CIITA: variants seen among roughly 807,000 people sequenced by gnomAD.
CIITA encodes the protein class II major histocompatibility complex transactivator, also known as MHC class II transactivator.
A neutral mutation model predicts 115.1 loss-of-function variants in CIITA; 72 were observed. The observed-to-expected ratio is 0.63, with a 90% confidence interval of 0.52 to 0.76. The LOEUF (loss-of-function observed/expected upper bound fraction) is 0.76, where lower values mean the gene tolerates loss of function less well. CIITA is among the 30% of genes least tolerant of loss of function. The probability of loss-of-function intolerance (pLI) is 0.00; values close to 1 mark genes in which losing one functional copy is unlikely to be tolerated. For missense variants in CIITA, 1,617 were observed against 1,463.8 expected (o/e 1.10, Z -1.71); for synonymous variants, 763 against 635.6 (o/e 1.20, Z -3.02).
At chr16:10,884,252 A>G (rs1388706958) in intron 1 of CIITA, among the ~76,000 whole-genome samples, 2 of 151,282 alleles carry the variant, frequency 1.3e-5, no homozygotes, top group African/African-American at 2.4e-5. Context: ...TTTGTTTGCC[A>G]GAGGCTGGTT....
At position 10,908,079 on chromosome 16, in the gene CIITA, C is replaced by G. The variant is rs146847126; in HGVS notation, c.2587C>G (p.Leu863Val). Residue 863 changes from leucine (L) to valine (V), a missense_variant, in exon 11 of 20, where the codon CTC becomes GTC. Transcript: ENST00000324288. ...GGCGGGCCAAGACTTCTCCCTGGAC[C>G]TCCGCAGCACTGGCATTTGCCCCTC... Reference protein sequence around the residue: ...EAAGQDFSLDLRSTGICPSGL... With the variant: ...EAAGQDFSLDVRSTGICPSGL... The G allele has an allele frequency of 1.2e-6, 2 of 1,610,054 alleles. No individual in the cohort carries two copies. The highest frequency in any genetic ancestry group is 1.3e-5 in the African/African-American group (1 of 74,994).
chr16:10,928,167 C>T lies in CIITA; in HGVS notation c.*4312C>T, dbSNP rs981618545. 7 of 152,216 alleles carry T rather than the reference C, an allele frequency of 4.6e-5. No individual in the cohort carries two copies. The highest frequency in any genetic ancestry group is 1.7e-4 in the African/African-American group (7 of 41,424). The allele number at this position is 152,216 out of a possible 1,614,324, so 9.4% of individuals were successfully genotyped here. A position where few individuals can be genotyped will look rare whatever the true frequency, so the allele number is the denominator to read the frequency against. ...ACTCTCCCACACCTCAGTCTCCTCGCCTGTAGAAAGGGGTCAATCGTTTGA... is the reference window on the plus strand; with the variant it reads ...ACTCTCCCACACCTCAGTCTCCTCGTCTGTAGAAAGGGGTCAATCGTTTGA... On this transcript the variant is annotated 3_prime_UTR_variant, in exon 20 of 20. Coordinates refer to ENST00000324288, the MANE Select transcript of CIITA (RefSeq NM_000246.4).
At position 10,898,922 on chromosome 16, in the gene CIITA, T is replaced by C; in HGVS notation, c.359-3T>C. 1 of 1,613,874 alleles carries C rather than the reference T, an allele frequency of 6.2e-7. No individual in the cohort carries two copies. Among genetic ancestry groups the C allele is most frequent in the Non-Finnish European group, 8.5e-7 (1 of 1,179,960 alleles). Reference sequence around the variant, plus strand: ...AGTTGGTCTCTGGTTTTTCTCAAAGTAGAGCACATAGGACCAGATGAAGTG... The same window carrying C: ...AGTTGGTCTCTGGTTTTTCTCAAAGCAGAGCACATAGGACCAGATGAAGTG... On this transcript the variant is annotated splice_region_variant and splice_polypyrimidine_tract_variant and intron_variant, in intron 4 of 19. Coordinates refer to ENST00000324288, the MANE Select transcript of CIITA (RefSeq NM_000246.4).
chr16:10,905,176 T>C (rs2039052480), intron 10 of CIITA, among the ~76,000 whole-genome samples: 2 of 152,160 alleles, frequency 1.3e-5, no homozygotes, highest in Admixed American at 6.5e-5. Context: ...AATAAGAGAA[T>C]TACTAAATTA....
upstream of CIITA, chr16:10,866,245 T>C (rs76015579): frequency 2.0e-3 from 1,028 of 510,940 alleles, 6 homozygotes; most frequent in African/African-American, 0.018. Flanking sequence ...TGAGCGGAGA[T>C]TCCAGGCACT....
In CIITA at chr16:10,929,588, A is replaced by G. The variant is rs2040688833; in HGVS notation, c.*5733A>G. On this transcript the variant is annotated 3_prime_UTR_variant, in exon 20 of 20. Transcript: ENST00000324288. This position sits in a 1 kb window ranked among gnomAD's most constrained non-coding sequence, Gnocchi z 4.3. Reference sequence around the variant, plus strand: ...ACAAGAAGGAAAAAGGGGGGTTATTAGCACGGAAGCCCCACCCTGCCACCA... The same window carrying G: ...ACAAGAAGGAAAAAGGGGGGTTATTGGCACGGAAGCCCCACCCTGCCACCA... 1.9e-5 allele frequency: 19 copies of G among 984,208 alleles called. No individual in the cohort carries two copies. The highest frequency in any genetic ancestry group is 1.9e-5 in the Non-Finnish European group (16 of 828,958). 61.0% of individuals were successfully genotyped at this position (984,208 alleles called of 1,614,324 possible).
At chr16:10,866,490 G>T in intron 1 of CIITA, 1 of 561,180 alleles carries the variant, frequency 1.8e-6, no homozygotes, top group South Asian at 1.4e-5. Context: ...AAGGAGACCT[G>T]GATTTGGCCC....
Position 10,926,631 on chromosome 16 carries a change from C to A in CIITA, c.*2776C>A, listed in dbSNP as rs1457138453. On this transcript the variant is annotated 3_prime_UTR_variant, in exon 20 of 20. Coordinates refer to ENST00000324288, the MANE Select transcript of CIITA (RefSeq NM_000246.4). Reference sequence around the variant, plus strand: ...TCTCGGCTCACTGCAACCTCTGCCTCCTGGGTTCAAGCAATTCTCCCACCT... The same window carrying A: ...TCTCGGCTCACTGCAACCTCTGCCTACTGGGTTCAAGCAATTCTCCCACCT... 6.6e-6 allele frequency: 1 copy of A among 152,370 alleles called. No individual in the cohort carries two copies. Among genetic ancestry groups the A allele is most frequent in the South Asian group, 2.1e-4 (1 of 4,832 alleles). The allele number at this position is 152,370 out of a possible 1,614,324, so 9.4% of individuals were successfully genotyped here. A position where few individuals can be genotyped will look rare whatever the true frequency, so the allele number is the denominator to read the frequency against.
At chr16:10,903,956 A>G (rs1272566123) in intron 9 of CIITA, 61 bp downstream of exon 9, 1 of 1,606,860 alleles carries the variant, frequency 6.2e-7, no homozygotes, top group Admixed American at 1.7e-5. Context: ...TGGGGAAGGA[A>G]TTGTCTCAAA....
intron 1 of CIITA, among the ~76,000 whole-genome samples, chr16:10,889,727 C>T (rs753732122): frequency 2.0e-5 from 3 of 152,092 alleles, no homozygotes; most frequent in Non-Finnish European, 2.9e-5. Context: ...CCATGTTGCC[C>T]GGGCTGGTCT....
At chr16:10,889,362 G>A (rs1330367575) in intron 1 of CIITA, among the ~76,000 whole-genome samples, 4 of 152,136 alleles carry the variant, frequency 2.6e-5, no homozygotes, top group Admixed American at 6.5e-5. Flanking sequence ...CAGCTGTGGC[G>A]TTGTGGGGAA....
At chr16:10,898,620 G>T (rs371955528) in intron 3 of CIITA, 50 bp from the exon 4 acceptor site, 1 of 1,562,906 alleles carries the variant, frequency 6.4e-7, no homozygotes, top group African/African-American at 1.4e-5. Flanking sequence ...CACACAGTGG[G>T]CCTTCAGTTA....
In CIITA at chr16:10,901,721, A is replaced by G. The variant is rs914119640; in HGVS notation, c.481+163A>G. 8 of 761,096 alleles carry G rather than the reference A, an allele frequency of 1.1e-5. No individual in the cohort carries two copies. Among genetic ancestry groups the G allele is most frequent in the South Asian group, 3.2e-5 (2 of 62,552 alleles). 47.1% of individuals were successfully genotyped at this position (761,096 alleles called of 1,614,324 possible). A position where few individuals can be genotyped will look rare whatever the true frequency, so the allele number is the denominator to read the frequency against. The stretch of plus-strand genomic sequence containing the variant: ...GCTTGGGGTCCCTTAGAGTCCTCTA[A>G]GGGGCTCACGACTGTTTGTGGAAGG... On this transcript the variant is annotated intron_variant, in intron 6 of 19. Coordinates refer to ENST00000324288, the MANE Select transcript of CIITA (RefSeq NM_000246.4). This position sits in a 1 kb window ranked among gnomAD's most constrained non-coding sequence, Gnocchi z 6.8.
chr16:10,911,645 C>G (rs1330775720), intron 13 of CIITA, among the ~76,000 whole-genome samples: 1 of 151,974 alleles, frequency 6.6e-6, no homozygotes, highest in East Asian at 1.9e-4. Context: ...GCCTCAACCT[C>G]CCTAGGCTCA....
chr16:10,930,569 G>A lies in CIITA; in HGVS notation c.*6714G>A, dbSNP rs1285132937. 1 of 152,242 alleles carries A rather than the reference G, an allele frequency of 6.6e-6. No individual in the cohort carries two copies. The highest frequency in any genetic ancestry group is 6.5e-5 in the Admixed American group (1 of 15,288). 9.4% of individuals were successfully genotyped at this position (152,242 alleles called of 1,614,324 possible). ...TAATAGGATAAGAAATTGAGGTTCA[G>A]AGAAGCCAAGTAACCTGCCTAAAGA... On this transcript the variant is annotated 3_prime_UTR_variant, in exon 20 of 20. Coordinates refer to ENST00000324288, the MANE Select transcript of CIITA (RefSeq NM_000246.4).
intron 13 of CIITA, 120 bp downstream of exon 13, chr16:10,910,379 C>G (rs1177124928): frequency 1.1e-6 from 1 of 889,622 alleles, no homozygotes; most frequent in Non-Finnish European, 1.8e-6. Context: ...TCTTGCCCAC[C>G]ACTTTGGAAA....
intron 1 of CIITA, among the ~76,000 whole-genome samples, chr16:10,886,049 T>C (rs1305825925): frequency 2.3e-5 from 3 of 128,010 alleles, no homozygotes. Context: ...TTATAAAACA[T>C]GTTTTGCCTT....
rs762247991 is a variant in CIITA, at chr16:10,907,947, G to C, written c.2455G>C (p.Ala819Pro). 2 of 1,564,376 alleles carry C rather than the reference G, an allele frequency of 1.3e-6. No homozygotes were observed. The highest frequency in any genetic ancestry group is 4.5e-5 in the East Asian group (2 of 44,458). The change falls in exon 11 of 20, where the codon GCT (alanine) becomes CCT (proline). Residue 819 changes from alanine (A) to proline (P), a missense_variant. Transcript: ENST00000324288. The surrounding 1 kb of genome is among the most constrained non-coding windows in gnomAD (Gnocchi z 5.0). ...LLHCAHEAEE[A>P]GIWQHVVQEL... ...GCACTGCGCCCACGAGGCCGAGGAGGCTGGAATTTGGCAGCACGTGGTACA... is the reference window on the plus strand; with the variant it reads ...GCACTGCGCCCACGAGGCCGAGGAGCCTGGAATTTGGCAGCACGTGGTACA...
rs979251376 is a variant in CIITA at position 10,907,045 on chromosome 16, C to T, written c.1553C>T (p.Ala518Val). The T allele has an allele frequency of 1.9e-6, 3 of 1,607,514 alleles. No individual in the cohort carries two copies. Among genetic ancestry groups the T allele is most frequent in the Non-Finnish European group, 1.7e-6 (2 of 1,179,960 alleles). Residue 518 changes from alanine (A) to valine (V), a missense_variant, in exon 11 of 20, where the codon GCA (alanine) becomes GTA (valine). Coordinates refer to ENST00000324288, the MANE Select transcript of CIITA (RefSeq NM_000246.4). This position sits in a 1 kb window ranked among gnomAD's most constrained non-coding sequence, Gnocchi z 5.0. ...TTCCTGCACAGCACGTGCGGACCGG[C>T]ACCGGCGGAGCCCTGCTCCCTCCGG... ...DGFLHSTCGP[A>V]PAEPCSLRGL...
Sources: allele counts gnomAD v4.1 joint callset (sites outside exome capture counted in the v4.1 genomes callset), GRCh38; gene constraint gnomAD v4.1.1; non-coding constraint Gnocchi (gnomAD v3.1); transcripts MANE v1.5; gene names NCBI Gene and HGNC (gene_info 2026-07-23, HGNC 2026-07-21).